Variants in NOTCH2NLB observed in about 807,000 individuals in gnomAD.
The protein encoded by NOTCH2NLB is notch homolog 2 N-terminal-like protein B.
Under a neutral mutation model 14.8 loss-of-function variants are expected in NOTCH2NLB, and 1 was observed. The observed-to-expected ratio is 0.07, with a 90% CI of 0.02 to 0.32. The LOEUF is 0.32. Ranked by LOEUF, NOTCH2NLB falls within the 10% of genes least tolerant of loss-of-function variation. The pLI, the probability that NOTCH2NLB is intolerant of heterozygous loss-of-function variation, is 1.00. For missense variants in NOTCH2NLB, 11 were observed against 155.0 expected, an observed-to-expected ratio of 0.07 and a Z score of 4.93; for synonymous variants, 6 against 57.5, an observed-to-expected ratio of 0.10 and a Z score of 4.05.
chr1:148,608,213 C>A lies in NOTCH2NLB; in HGVS notation c.338-468G>T, dbSNP rs1462670191. 3.7e-5 allele frequency among the ~76,000 whole-genome samples: 5 copies of A among 135,938 alleles called. 1 individual carries two copies. The highest frequency in any genetic ancestry group is 6.8e-5 in the African/African-American group (2 of 29,594). The allele number at this position is 135,938 out of a possible 152,430, so 89.2% of individuals were successfully genotyped here. ...ACCAGCCCAGCCAATATGGTGAAACCCTGTCTCTACTAAAAATACAAAAAT... is the reference window on the plus strand; with the variant it reads ...ACCAGCCCAGCCAATATGGTGAAACACTGTCTCTACTAAAAATACAAAAAT... On this transcript the variant is annotated intron_variant, in intron 3 of 4. Transcript: ENST00000593495.
rs1194273075 is a variant in NOTCH2NLB, at chr1:148,658,550, C to CTTT, written c.4-18464_4-18462dup. Among the ~76,000 whole-genome samples, 169 of 38,584 alleles carry CTTT rather than the reference C, an allele frequency of 4.4e-3. 29 individuals carry two copies. The highest frequency in any genetic ancestry group is 5.4e-3 in the Non-Finnish European group (113 of 20,742). The allele number at this position is 38,584 out of a possible 152,430, so 25.3% of individuals were successfully genotyped here. A position where few individuals can be genotyped will look rare whatever the true frequency, so the allele number is the denominator to read the frequency against. On this transcript the variant is annotated intron_variant, in intron 1 of 4. Coordinates refer to ENST00000593495, the Ensembl canonical transcript of NOTCH2NLB. Reference sequence around the variant, plus strand: ...TTGCAATTAGACAGGCCCAATACCACTTTTTTTTTTTTTTTTTTTTTTTTT... The same window carrying CTTT: ...TTGCAATTAGACAGGCCCAATACCACTTTTTTTTTTTTTTTTTTTTTTTTTTTT...
intron 2 of NOTCH2NLB, among the ~76,000 whole-genome samples, chr1:148,638,584 C>T (rs1243021479): frequency 1.3e-5 from 2 of 149,210 alleles, no homozygotes; most frequent in African/African-American, 5.0e-5. Flanking sequence ...GCTAGAAAAA[C>T]TAAATGAGCA....
At chr1:148,615,140 A>T (rs1403640400) in intron 3 of NOTCH2NLB, among the ~76,000 whole-genome samples, 61,866 of 138,638 alleles carry the variant, frequency 0.45, 13,699 homozygotes, top group East Asian at 0.68. Flanking sequence ...TGGTGTACAT[A>T]TTTTTTTTTT....
chr1:148,705,942 CTTT>C, the NOTCH2NLB span, among the ~76,000 whole-genome samples: 52 of 5,126 alleles, frequency 0.01, 1 homozygote, highest in East Asian at 0.11. Flanking sequence ...ACAGAAAGTT[CTTT>C]TTTTTTTTTT....
the NOTCH2NLB span, among the ~76,000 whole-genome samples, chr1:148,697,672 T>G: frequency 3.4e-5 from 4 of 116,688 alleles, no homozygotes; most frequent in Admixed American, 1.8e-4. Flanking sequence ...AAGTTAGGAA[T>G]GCACCACAAC....
chr1:148,685,619 A>C, the NOTCH2NLB span, among the ~76,000 whole-genome samples: 2 of 151,932 alleles, frequency 1.3e-5, no homozygotes, highest in Non-Finnish European at 2.9e-5. Context: ...TGAGGCTAGG[A>C]GTTCAAGACC....
chr1:148,613,186 T>C (rs1471439550), intron 3 of NOTCH2NLB, among the ~76,000 whole-genome samples: 1 of 149,152 alleles, frequency 6.7e-6, no homozygotes, highest in African/African-American at 2.5e-5. Flanking sequence ...AGTGTTTCAG[T>C]TGGGGACTAG....
chr1:148,645,807 T>C (rs1208279277), intron 1 of NOTCH2NLB, among the ~76,000 whole-genome samples: 11 of 150,984 alleles, frequency 7.3e-5, no homozygotes, highest in Non-Finnish European at 5.9e-5. Flanking sequence ...AATTCAGCAC[T>C]ACAGGGTCTT....
At chr1:148,604,692 C>A (rs1174721447), downstream of NOTCH2NLB, among the ~76,000 whole-genome samples, 1 of 143,072 alleles carries the variant, frequency 7.0e-6, no homozygotes, top group African/African-American at 2.7e-5. Flanking sequence ...CATCTCTAGG[C>A]ACTATTCCCC....
At position 148,654,776 on chromosome 1, in the gene NOTCH2NLB, TAA is replaced by T. The variant is rs1356416597; in HGVS notation, c.4-14689_4-14688del. On this transcript the variant is annotated intron_variant, in intron 1 of 4. Coordinates refer to ENST00000593495, the Ensembl canonical transcript of NOTCH2NLB. The stretch of plus-strand genomic sequence containing the variant: ...ATTAAAATAAAGTTTTAAGCTATAA[TAA>T]GTCTATAATAAATAATATACTCTAT... Among the ~76,000 whole-genome samples, 3 of 94,814 alleles carry T rather than the reference TAA, an allele frequency of 3.2e-5. 1 individual carries two copies. Among genetic ancestry groups the T allele is most frequent in the Non-Finnish European group, 7.1e-5 (3 of 42,342 alleles). 62.2% of individuals were successfully genotyped at this position (94,814 alleles called of 152,430 possible).
intron 2 of NOTCH2NLB, among the ~76,000 whole-genome samples, chr1:148,628,375 T>C (rs1280907611): frequency 1.9e-5 from 2 of 104,462 alleles, no homozygotes; most frequent in African/African-American, 1.0e-4. Context: ...GAGCCTTCTT[T>C]CCATTCCCCA....
At position 148,638,477 on chromosome 1, in the gene NOTCH2NLB, C is replaced by T. The variant is rs1334434428; in HGVS notation, c.77+1539G>A. 6.0e-5 allele frequency among the ~76,000 whole-genome samples: 9 copies of T among 149,030 alleles called. 1 individual carries two copies. In the East Asian group the frequency reaches 1.7e-3, roughly 29 times the overall value. ...GCCACAAAAAGACTAAACAAGATTT[C>T]AGTGGCCTACTCTAAGGTATTAAGT... On this transcript the variant is annotated intron_variant, in intron 2 of 4. Transcript: ENST00000593495.
intron 1 of NOTCH2NLB, among the ~76,000 whole-genome samples, chr1:148,649,915 C>T (rs1664459385): frequency 1.0e-5 from 1 of 96,352 alleles, no homozygotes; most frequent in African/African-American, 4.2e-5. Context: ...TCTTGCTATA[C>T]ACACAAAAGA....
Position 148,609,570 on chromosome 1 carries a change from C to T in NOTCH2NLB, c.338-1825G>A, listed in dbSNP as rs1214043451. ...GCAATAAACATACGTGTGCATGTGT[C>T]TTTATAGCAGCACGATTTATAATTC... is the stretch of plus-strand genomic sequence containing the variant. On this transcript the variant is annotated intron_variant, in intron 3 of 4. Coordinates refer to ENST00000593495, the Ensembl canonical transcript of NOTCH2NLB. 2.4e-4 allele frequency among the ~76,000 whole-genome samples: 34 copies of T among 140,206 alleles called. 3 individuals carry two copies. The highest frequency in any genetic ancestry group is 1.8e-3 in the Admixed American group (25 of 14,218). The allele number at this position is 140,206 out of a possible 152,430, so 92.0% of individuals were successfully genotyped here.
intron 1 of NOTCH2NLB, among the ~76,000 whole-genome samples, chr1:148,658,550 CTTTTT>C (rs1194273075): frequency 3.1e-4 from 12 of 38,576 alleles, no homozygotes; most frequent in South Asian, 1.3e-3. Flanking sequence ...CCCAATACCA[CTTTTT>C]TTTTTTTTTT....
downstream of NOTCH2NLB, among the ~76,000 whole-genome samples, chr1:148,603,851 A>G (rs1663425892): frequency 7.3e-6 from 1 of 136,774 alleles, no homozygotes; most frequent in Non-Finnish European, 1.6e-5. Context: ...GAGTCCTACA[A>G]TAATACTAAA....
rs1426086640 is a variant in NOTCH2NLB, at chr1:148,673,667, C to T, written c.3+5795G>A. 1.0e-3 allele frequency among the ~76,000 whole-genome samples: 156 copies of T among 150,654 alleles called. 5 individuals are homozygous for T. Among genetic ancestry groups the T allele is most frequent in the Middle Eastern group, 3.4e-3 (1 of 294 alleles). ...ATTTCTTTTAAGACAAAACAAACAACTTTACTAACCTTATACCATAGCAGC... is the reference window on the plus strand; with the variant it reads ...ATTTCTTTTAAGACAAAACAAACAATTTTACTAACCTTATACCATAGCAGC... On this transcript the variant is annotated intron_variant, in intron 1 of 4. Coordinates refer to ENST00000593495, the Ensembl canonical transcript of NOTCH2NLB.
At chr1:148,670,360 G>A (rs1464765352) in intron 1 of NOTCH2NLB, among the ~76,000 whole-genome samples, 62 of 143,864 alleles carry the variant, frequency 4.3e-4, no homozygotes, top group African/African-American at 1.4e-3. Flanking sequence ...CAATACAAAC[G>A]CCACTGATGA....
rs1664013640 is a variant in NOTCH2NLB, at chr1:148,627,674, T to C, written c.78-11724A>G. On this transcript the variant is annotated intron_variant, in intron 2 of 4. Transcript: ENST00000593495. ...CTCATGGCTAAGCCCTAAAATTTCA[T>C]TGTCTCAACTTAAATGTTATTTCCT... Among the ~76,000 whole-genome samples, 7 of 152,046 alleles carry C rather than the reference T, an allele frequency of 4.6e-5. No individual in the cohort carries two copies. In the South Asian group the frequency reaches 1.5e-3, roughly 32 times the overall value.
Sources: allele counts gnomAD v4.1 joint callset (sites outside exome capture counted in the v4.1 genomes callset), GRCh38; gene constraint gnomAD v4.1.1; transcripts MANE v1.5; gene names NCBI Gene and HGNC (gene_info 2026-07-23, HGNC 2026-07-21).